Variants in CTRB2 observed in about 807,000 individuals in gnomAD.
The protein encoded by CTRB2 is chymotrypsinogen B2.
Under a neutral mutation model 19.3 loss-of-function variants are expected in CTRB2, and 9 were observed. That is an observed-to-expected ratio of 0.47 (90% confidence interval 0.28 to 0.81). The LOEUF is 0.81. Among genes scored for constraint, CTRB2 ranks in the 40% least tolerant of loss-of-function variants. The pLI is 0.11. For missense variants in CTRB2, 210 were observed against 269.7 expected (o/e 0.78, Z 1.55); for synonymous variants, 98 against 117.3 (o/e 0.84, Z 1.06).
At chr16:75,206,627 C>T (rs555211584) in intron 1 of CTRB2, 3 of 300,780 alleles carry the variant, frequency 1.0e-5, no homozygotes, top group African/African-American at 2.2e-5. Context: ...GCCAGCTCTG[C>T]GCCTGGCACC....
chr16:75,204,327 A>G lies in CTRB2; in HGVS notation c.631-5T>C. On this transcript the variant is annotated splice_polypyrimidine_tract_variant and splice_region_variant and intron_variant, in intron 6 of 6. Coordinates refer to ENST00000303037, the MANE Select transcript of CTRB2 (RefSeq NM_001025200.4). ...CAGGGGGCCTCCAGAGTCACCCTGC[A>G]GGAAGGAGAGGAAGTATCTCTAGGC... 1 of 1,613,592 alleles carries G rather than the reference A, an allele frequency of 6.2e-7. No individual in the cohort carries two copies. The highest frequency in any genetic ancestry group is 1.1e-5 in the South Asian group (1 of 91,076).
intron 1 of CTRB2, chr16:75,206,887 C>G (rs1314147652): frequency 5.1e-6 from 3 of 586,694 alleles, no homozygotes; most frequent in Non-Finnish European, 9.3e-6. Flanking sequence ...TCCCCATCTC[C>G]TGAGCTCAGA....
At chr16:75,206,888 T>C in intron 1 of CTRB2, 1 of 585,600 alleles carries the variant, frequency 1.7e-6, no homozygotes, top group South Asian at 1.8e-5. Context: ...CCCCATCTCC[T>C]GAGCTCAGAG....
chr16:75,205,969 G>A lies in CTRB2; in HGVS notation c.180C>T (p.Cys60=), dbSNP rs774772776. The part of the protein sequence containing the change: ...SLQDKTGFHF[C]GGSLISEDWV... ...AGTCCTCGCTGATGAGGGAGCCCCC[G>A]CAGAAGTGGAAGCCGGTTTTGTCCT... The change falls in exon 3 of 7, where the codon TGC becomes TGT. Residue 60 remains cysteine, a synonymous_variant. Transcript: ENST00000303037. The A allele has an allele frequency of 1.3e-4, 126 of 936,246 alleles. No homozygotes were observed. Among genetic ancestry groups the A allele is most frequent in the Non-Finnish European group, 1.8e-4 (113 of 641,882 alleles). 58.0% of individuals were successfully genotyped at this position (936,246 alleles called of 1,614,324 possible). A position where few individuals can be genotyped will look rare whatever the true frequency, so the allele number is the denominator to read the frequency against.
intron 1 of CTRB2, 166 bp downstream of exon 1, chr16:75,206,924 C>G: frequency 1.5e-6 from 1 of 671,134 alleles, no homozygotes; most frequent in East Asian, 2.8e-5. Flanking sequence ...GGGAGGGAGG[C>G]ATTGACCTCT....
intron 6 of CTRB2, 90 bp from the exon 7 acceptor site, chr16:75,204,412 G>T: frequency 1.5e-6 from 2 of 1,311,828 alleles, no homozygotes; most frequent in Non-Finnish European, 2.1e-6. Flanking sequence ...GAGGGGTGCG[G>T]AGAAATGGTA....
chr16:75,204,654 G>GC (rs2038873174), intron 6 of CTRB2, 119 bp downstream of exon 6: 1 of 1,532,858 alleles, frequency 6.5e-7, no homozygotes, highest in Admixed American at 2.0e-5. Context: ...CCAAGGCCTG[G>GC]CCCTCACTGG....
chr16:75,206,563 T>TG, intron 1 of CTRB2: 1 of 351,678 alleles, frequency 2.8e-6, no homozygotes, highest in Non-Finnish European at 5.2e-6. Flanking sequence ...ATCAGCAAAG[T>TG]GGGGATCACG....
intron 2 of CTRB2, 27 bp downstream of exon 2, chr16:75,206,063 G>GC (rs1232200030): frequency 4.9e-6 from 7 of 1,431,804 alleles, no homozygotes; most frequent in Non-Finnish European, 5.6e-6. Context: ...TACCCAGGGT[G>GC]CCCCCCACCT....
At position 75,206,083 on chromosome 16, in the gene CTRB2, C is replaced by A; in HGVS notation, c.156+7G>T. Reference sequence around the variant, plus strand: ...AGGGTGCCCCCCACCTTGCAGAACCCCCTCACCTGCAGGGACACCTGCCAG... The same window carrying A: ...AGGGTGCCCCCCACCTTGCAGAACCACCTCACCTGCAGGGACACCTGCCAG... On this transcript the variant is annotated splice_region_variant and intron_variant, in intron 2 of 6. Transcript: ENST00000303037. 1 of 1,505,576 alleles carries A rather than the reference C, an allele frequency of 6.6e-7. No homozygotes were observed. The highest frequency in any genetic ancestry group is 1.4e-5 in the African/African-American group (1 of 71,640). The allele number at this position is 1,505,576 out of a possible 1,614,324, so 93.3% of individuals were successfully genotyped here.
At chr16:75,206,670 G>C (rs572644680) in intron 1 of CTRB2, 3 of 315,262 alleles carry the variant, frequency 9.5e-6, no homozygotes, top group African/African-American at 2.2e-5. Flanking sequence ...AGTTTAAGAG[G>C]GTGAGGCTCG....
At chr16:75,206,739 C>T (rs2038898164) in intron 1 of CTRB2, 1 of 392,002 alleles carries the variant, frequency 2.6e-6, no homozygotes, top group Non-Finnish European at 4.9e-6. Context: ...ACATTCACCA[C>T]CCAAACCTGT....
At chr16:75,206,228 C>T (rs1288692920) in intron 1 of CTRB2, 35 bp from the exon 2 acceptor site, 32 of 1,542,358 alleles carry the variant, frequency 2.1e-5, no homozygotes, top group Non-Finnish European at 2.7e-5. Flanking sequence ...GTGGGTACCA[C>T]CCACCCAGGT....
At chr16:75,206,547 G>A in intron 1 of CTRB2, 1 of 383,122 alleles carries the variant, frequency 2.6e-6, no homozygotes, top group Non-Finnish European at 4.7e-6. Context: ...GCCACTCAGT[G>A]TCCCCATCAG....
chr16:75,206,881 C>T, intron 1 of CTRB2: 2 of 575,256 alleles, frequency 3.5e-6, no homozygotes, highest in South Asian at 1.9e-5. Context: ...CGGGACTCCC[C>T]ATCTCCTGAG....
intron 1 of CTRB2, 117 bp from the exon 2 acceptor site, chr16:75,206,310 C>G (rs1162473945): frequency 6.2e-6 from 7 of 1,127,490 alleles, no homozygotes; most frequent in Non-Finnish European, 8.6e-6. Flanking sequence ...TCCCACATCC[C>G]CTTCTCTGAG....
chr16:75,204,639 T>G (rs867446798), intron 6 of CTRB2, 134 bp downstream of exon 6: 2 of 1,510,216 alleles, frequency 1.3e-6, no homozygotes, highest in African/African-American at 2.8e-5. Flanking sequence ...TGGGCGGCTG[T>G]GACCCCAAGG....
chr16:75,204,239 G>A lies in CTRB2; in HGVS notation c.714C>T (p.Cys238=). 1 of 1,614,162 alleles carries A rather than the reference G, an allele frequency of 6.2e-7. No individual in the cohort carries two copies. Among genetic ancestry groups the A allele is most frequent in the Non-Finnish European group, 8.5e-7 (1 of 1,180,004 alleles). The part of the protein sequence containing the change: ...VGIVSWGSRT[C]STTTPAVYAR... ...CGTACACAGCGGGCGTGGTGGTAGA[G>A]CAGGTGCGGCTGCCCCAGGACACAA... Residue 238 remains cysteine, a synonymous_variant, in exon 7 of 7, where the codon TGC becomes TGT. Transcript: ENST00000303037.
intron 6 of CTRB2, among the ~76,000 whole-genome samples, chr16:75,204,546 C>A (rs967231084): frequency 4.6e-5 from 7 of 152,144 alleles, no homozygotes; most frequent in Non-Finnish European, 7.4e-5. Flanking sequence ...GGGGCACCAT[C>A]CATCTCTCCA....
Sources: allele counts gnomAD v4.1 joint callset (sites outside exome capture counted in the v4.1 genomes callset), GRCh38; gene constraint gnomAD v4.1.1; transcripts MANE v1.5; gene names NCBI Gene and HGNC (gene_info 2026-07-23, HGNC 2026-07-21).